The following EHMT1 variants were observed in gnomAD, a reference collection of about 807,000 sequenced individuals.
EHMT1 encodes the protein histone-lysine N-methyltransferase EHMT1.
EHMT1 carries 15 observed loss-of-function variants against 147.2 expected under a neutral mutation model. The ratio of observed to expected loss-of-function variants is 0.10; its 90% CI spans 0.07 to 0.16. The LOEUF is 0.16. Ranked by LOEUF, EHMT1 falls within the 10% of genes least tolerant of loss-of-function variation. The probability of loss-of-function intolerance (pLI) is 1.00; values close to 1 mark genes in which losing one functional copy is unlikely to be tolerated. For synonymous variants in EHMT1, 795 were observed against 709.6 expected, an observed-to-expected ratio of 1.12 and a Z score of -1.91; for missense variants, 1,587 against 1,772.4, an observed-to-expected ratio of 0.90 and a Z score of 1.88.
At chr9:137,643,991 A>G (rs1339894771) in intron 1 of EHMT1, among the ~76,000 whole-genome samples, 1 of 152,190 alleles carries the variant, frequency 6.6e-6, no homozygotes, top group Non-Finnish European at 1.5e-5. Context: ...GCTTTGCCAT[A>G]CAATTGCAGT....
rs1953425815 is a variant in EHMT1, at chr9:137,800,932, A to C, written c.2660A>C (p.Asp887Ala). ...MIWATEYKHVDLVKLLLSKGS... is the reference protein window; with the variant it reads ...MIWATEYKHVALVKLLLSKGS... ...TGGGCCACAGAGTACAAGCACGTGG[A>C]CCTCGTGAAGCTGCTGCTGTCCAAG... The change falls in exon 18 of 27, where the codon GAC becomes GCC. Residue 887 changes from aspartate to alanine, a missense_variant. Asp to Ala is a moderately radical substitution (Grantham distance 126, BLOSUM62 -2). This residue lies in a region of EHMT1 where 201 missense variants were observed against 350.1 expected (regional missense o/e 0.57). Coordinates refer to ENST00000460843, the MANE Select transcript of EHMT1 (RefSeq NM_024757.5). 3 of 1,613,974 alleles carry C rather than the reference A, an allele frequency of 1.9e-6. No individual in the cohort carries two copies. In the East Asian group the frequency reaches 6.7e-5, roughly 36 times the overall value.
intron 1 of EHMT1, among the ~76,000 whole-genome samples, chr9:137,631,486 T>C (rs1038178909): frequency 2.6e-5 from 4 of 152,234 alleles, no homozygotes; most frequent in African/African-American, 9.6e-5. Flanking sequence ...ATTTAATTAC[T>C]GTGCATATTT....
chr9:137,833,289 C>A (rs1487091106), intron 25 of EHMT1, among the ~76,000 whole-genome samples: 1 of 152,232 alleles, frequency 6.6e-6, no homozygotes, highest in Non-Finnish European at 1.5e-5. Context: ...GCCTGGCTGT[C>A]GTCTGTGGTG....
rs141272511 is a variant in EHMT1 at position 137,708,690 on chromosome 9, C to T, written c.22-2277C>T. Reference sequence around the variant, plus strand: ...AGAGTTTTAACATTGGCAACAAATACTACTGGTTGTTTTCTTTGAGGCTCA... The same window carrying T: ...AGAGTTTTAACATTGGCAACAAATATTACTGGTTGTTTTCTTTGAGGCTCA... On this transcript the variant is annotated intron_variant, in intron 1 of 26. Transcript: ENST00000460843. Among the ~76,000 whole-genome samples, 171 of 152,286 alleles carry T rather than the reference C, an allele frequency of 1.1e-3. 3 individuals are homozygous for T. The East Asian group carries it at 0.029, about 26-fold the overall frequency.
intron 1 of EHMT1, among the ~76,000 whole-genome samples, chr9:137,703,892 T>C (rs1237364609): frequency 1.3e-5 from 2 of 152,152 alleles, no homozygotes; most frequent in Non-Finnish European, 2.9e-5. Flanking sequence ...TATAAAGATA[T>C]ACCTAATTCT....
intron 18 of EHMT1, among the ~76,000 whole-genome samples, chr9:137,810,425 G>A (rs987296670): frequency 3.3e-5 from 5 of 152,238 alleles, no homozygotes; most frequent in African/African-American, 7.2e-5. Flanking sequence ...TCCGTTTATC[G>A]CTGTTTTATC....
intron 1 of EHMT1, among the ~76,000 whole-genome samples, chr9:137,695,772 G>A (rs1943351500): frequency 6.6e-6 from 1 of 152,244 alleles, no homozygotes; most frequent in Admixed American, 6.5e-5. Context: ...TGTGTCATGG[G>A]CTGCCACTTC....
At chr9:137,812,075 A>AG (rs1954535377) in intron 19 of EHMT1, among the ~76,000 whole-genome samples, 1 of 152,236 alleles carries the variant, frequency 6.6e-6, no homozygotes, top group Non-Finnish European at 1.5e-5. Context: ...GTGGTGGCTC[A>AG]CGCCTGTAAT....
chr9:137,718,760 C>CT (rs780405612), intron 3 of EHMT1, among the ~76,000 whole-genome samples: 3,360 of 136,208 alleles, frequency 0.025, 149 homozygotes, highest in African/African-American at 0.082. Flanking sequence ...TTTTCTTTTT[C>CT]TTTTTTTTTT....
At chr9:137,687,231 T>C (rs1447505921) in intron 1 of EHMT1, among the ~76,000 whole-genome samples, 3 of 152,202 alleles carry the variant, frequency 2.0e-5, no homozygotes, top group Non-Finnish European at 4.4e-5. Context: ...ATTGTAGCTG[T>C]GTATTAAATG....
intron 1 of EHMT1, among the ~76,000 whole-genome samples, chr9:137,633,318 C>T (rs113185379): frequency 3.4e-5 from 5 of 145,332 alleles, no homozygotes; most frequent in African/African-American, 7.5e-5. Flanking sequence ...TAATTGACTA[C>T]TTTTTTTTTT....
chr9:137,804,843 G>A (rs1016461406), intron 18 of EHMT1, among the ~76,000 whole-genome samples: 1 of 152,074 alleles, frequency 6.6e-6, no homozygotes, highest in African/African-American at 2.4e-5. Context: ...TTTCTACATA[G>A]AATTGACTCT....
At chr9:137,638,540 C>T (rs1235860098) in intron 1 of EHMT1, 2 of 152,148 alleles carry the variant, frequency 1.3e-5, no homozygotes, top group Non-Finnish European at 2.9e-5. Context: ...CCACTGCACC[C>T]GGCCTAGTTT....
At chr9:137,677,376 C>CT (rs1200859533) in intron 1 of EHMT1, among the ~76,000 whole-genome samples, 1 of 152,182 alleles carries the variant, frequency 6.6e-6, no homozygotes, top group Non-Finnish European at 1.5e-5. Flanking sequence ...CTCCAGGGAT[C>CT]TGCCTACCTC....
chr9:137,795,347 C>T (rs1952817437), intron 16 of EHMT1, among the ~76,000 whole-genome samples: 1 of 151,718 alleles, frequency 6.6e-6, no homozygotes, highest in East Asian at 2.0e-4. Context: ...CCTGGCAACT[C>T]AGGTCACCTG....
intron 4 of EHMT1, among the ~76,000 whole-genome samples, chr9:137,736,178 A>G (rs186144488): frequency 6.6e-6 from 1 of 152,338 alleles, no homozygotes; most frequent in East Asian, 1.9e-4. Flanking sequence ...AAAAATAAAA[A>G]TTTATTTCTT....
chr9:137,619,072 G>A, intron 1 of EHMT1, 23 bp downstream of exon 1: 4 of 840,050 alleles, frequency 4.8e-6, no homozygotes, highest in Non-Finnish European at 4.3e-6. Context: ...GCCGGCGGGG[G>A]GCGGCGCGGG....
intron 14 of EHMT1, among the ~76,000 whole-genome samples, chr9:137,781,290 T>C (rs1252203961): frequency 1.3e-3 from 114 of 88,222 alleles, no homozygotes; most frequent in East Asian, 2.2e-3. Flanking sequence ...GACGCTGAGA[T>C]GTGTGGTGAT....
At chr9:137,658,129 C>T (rs1938675457) in intron 1 of EHMT1, among the ~76,000 whole-genome samples, 1 of 152,150 alleles carries the variant, frequency 6.6e-6, no homozygotes, top group Non-Finnish European at 1.5e-5. Context: ...CTCCTTCCTT[C>T]TGTCACTCGC....
Sources: gnomAD v4.1 joint callset for allele counts (sites outside exome capture counted in the v4.1 genomes callset) on GRCh38, gnomAD v4.1.1 for gene constraint, gnomAD v4.1.1 regional missense constraint, MANE v1.5 for transcripts, NCBI Gene and HGNC (gene_info 2026-07-23, HGNC 2026-07-21) for gene names.